The following CYP2C8 variants were observed in gnomAD, a reference collection of about 807,000 sequenced individuals.
The protein encoded by CYP2C8 is cytochrome P450 2C8.
In CYP2C8, 51 loss-of-function variants were observed where a neutral mutation model predicts 41.3. That is an observed-to-expected ratio of 1.24 (90% CI 0.99 to 1.56). The LOEUF (loss-of-function observed/expected upper bound fraction) is 1.56, where lower values mean the gene tolerates loss of function less well. CYP2C8 is among the 40% of genes most tolerant of loss of function. The pLI, the probability that CYP2C8 is intolerant of heterozygous loss-of-function variation, is 0.00. For synonymous variants in CYP2C8, 218 were observed against 205.8 expected, an observed-to-expected ratio of 1.06 and a Z score of -0.51; for missense variants, 651 against 579.9, an observed-to-expected ratio of 1.12 and a Z score of -1.26.
In CYP2C8 at chr10:95,050,591, T is replaced by C. The variant is rs117636260; in HGVS notation, c.820-4640A>G. ...AACAGAGAGAGAGACTTTGTTTATTTGGGAGAAATTAAGGGAAGGGAACAA... is the reference window on the plus strand; with the variant it reads ...AACAGAGAGAGAGACTTTGTTTATTCGGGAGAAATTAAGGGAAGGGAACAA... On this transcript the variant is annotated intron_variant, in intron 5 of 8. Coordinates refer to ENST00000371270, the MANE Select transcript of CYP2C8 (RefSeq NM_000770.3). 6.0e-4 allele frequency among the ~76,000 whole-genome samples: 92 copies of C among 152,242 alleles called. No individual in the cohort carries two copies. In the East Asian group the frequency reaches 0.017, roughly 28 times the overall value.
intron 8 of CYP2C8, among the ~76,000 whole-genome samples, chr10:95,038,524 T>G (rs1158375454): frequency 6.6e-6 from 1 of 152,148 alleles, no homozygotes; most frequent in East Asian, 1.9e-4. Flanking sequence ...ACAGACACCA[T>G]GTAGAAGACA....
Position 95,067,522 on chromosome 10 carries a change from C to T in CYP2C8, c.331+7G>A, listed in dbSNP as rs1362315712. On this transcript the variant is annotated splice_region_variant and intron_variant, in intron 2 of 8. Coordinates refer to ENST00000371270, the MANE Select transcript of CYP2C8 (RefSeq NM_000770.3). ...ACCAAAGCTGACACAGAAATATGTG[C>T]ACCTACCAAGTCCTTTAGTAATTCT... The T allele has an allele frequency of 1.2e-6, 2 of 1,614,118 alleles. No individual in the cohort carries two copies. Among genetic ancestry groups the T allele is most frequent in the African/African-American group, 1.3e-5 (1 of 75,040 alleles).
chr10:95,043,035 C>T lies in CYP2C8; in HGVS notation c.1004G>A (p.Arg335Lys). 1 of 1,614,176 alleles carries T rather than the reference C, an allele frequency of 6.2e-7. No homozygotes were observed. Among genetic ancestry groups the T allele is most frequent in the Non-Finnish European group, 8.5e-7 (1 of 1,180,020 alleles). ...EEIDHVIGRH[R>K]SPCMQDRSHM... ...GCTCCTATCCTGCATGCAGGGGCTC[C>T]TGTGTCTGCCAATTACATGATCAAT... The change falls in exon 7 of 9, where the codon AGG becomes AAG. Residue 335 changes from arginine to lysine, a missense_variant. By Grantham distance (26) the Arg-to-Lys change is conservative. Transcript: ENST00000371270.
At chr10:95,049,991 C>G (rs899448497) in intron 5 of CYP2C8, among the ~76,000 whole-genome samples, 1 of 152,006 alleles carries the variant, frequency 6.6e-6, no homozygotes, top group Admixed American at 6.6e-5. Flanking sequence ...TCAGGAAAGA[C>G]TCCTTCTACT....
At chr10:95,037,661 AT>A (rs1419132597) in intron 8 of CYP2C8, among the ~76,000 whole-genome samples, 1 of 152,158 alleles carries the variant, frequency 6.6e-6, no homozygotes, top group African/African-American at 2.4e-5. Flanking sequence ...ATCTGTCATT[AT>A]GGAAATACAT....
Position 95,036,788 on chromosome 10 carries a change from A to G in CYP2C8, c.*340T>C. ...TCTGAGAACTGAACCAGCAATTAATAACACTTTTTATTTAGCACATTCACA... is the reference window on the plus strand; with the variant it reads ...TCTGAGAACTGAACCAGCAATTAATGACACTTTTTATTTAGCACATTCACA... On this transcript the variant is annotated 3_prime_UTR_variant, in exon 9 of 9. Transcript: ENST00000371270. The G allele has an allele frequency of 6.1e-6, 2 of 328,700 alleles. No homozygotes were observed. Among genetic ancestry groups the G allele is most frequent in the South Asian group, 5.7e-5 (2 of 35,382 alleles). 20.4% of individuals were successfully genotyped at this position (328,700 alleles called of 1,614,324 possible). A position where few individuals can be genotyped will look rare whatever the true frequency, so the allele number is the denominator to read the frequency against.
chr10:95,044,726 G>A (rs143258604), intron 6 of CYP2C8, among the ~76,000 whole-genome samples: 21 of 152,132 alleles, frequency 1.4e-4, no homozygotes, highest in African/African-American at 4.6e-4. Context: ...TTTCCCAGTG[G>A]GAAAAAATCA....
At chr10:95,045,701 C>G in intron 6 of CYP2C8, 109 bp downstream of exon 6, 1 of 1,365,414 alleles carries the variant, frequency 7.3e-7, no homozygotes, top group Non-Finnish European at 1.0e-6. Flanking sequence ...GCTGATGACA[C>G]AGAAATTTAA....
intron 7 of CYP2C8, among the ~76,000 whole-genome samples, chr10:95,042,079 G>A (rs2033013697): frequency 6.6e-6 from 1 of 152,104 alleles, no homozygotes; most frequent in Non-Finnish European, 1.5e-5. Context: ...ATTCTCAGTA[G>A]TGAAATATTA....
At chr10:95,058,840 G>A (rs1297197752) in intron 4 of CYP2C8, among the ~76,000 whole-genome samples, 7 of 151,016 alleles carry the variant, frequency 4.6e-5, no homozygotes, top group Admixed American at 1.3e-4. Context: ...TCCCCTTCCT[G>A]TGTTCAAGTG....
intron 4 of CYP2C8, among the ~76,000 whole-genome samples, chr10:95,059,593 T>C (rs904216339): frequency 2.0e-5 from 3 of 152,240 alleles, no homozygotes; most frequent in Non-Finnish European, 4.4e-5. Flanking sequence ...TTCTGTAGGA[T>C]GCCTATTCAC....
At chr10:95,043,244 A>G (rs538561494) in intron 6 of CYP2C8, among the ~76,000 whole-genome samples, 167 bp from the exon 7 acceptor site, 2 of 152,326 alleles carry the variant, frequency 1.3e-5, no homozygotes, top group East Asian at 3.9e-4. Context: ...CATAATATAG[A>G]TACATACCAC....
chr10:95,062,780 T>C (rs1022610651), intron 4 of CYP2C8, among the ~76,000 whole-genome samples: 2 of 152,210 alleles, frequency 1.3e-5, no homozygotes, highest in Non-Finnish European at 2.9e-5. Flanking sequence ...CTGGTACCGG[T>C]TGTTCCTTTC....
chr10:95,069,044 TAGAGCGAGACTCCG>T (rs1564743735), intron 1 of CYP2C8, among the ~76,000 whole-genome samples, 177 bp downstream of exon 1: 103 of 141,080 alleles, frequency 7.3e-4, no homozygotes, highest in African/African-American at 2.4e-3. Flanking sequence ...GCCTGGGCAA[TAGAGCGAGACTCCG>T]TCTCAAAAAA....
At chr10:95,047,221 T>C (rs2033127282) in intron 5 of CYP2C8, among the ~76,000 whole-genome samples, 2 of 152,238 alleles carry the variant, frequency 1.3e-5, no homozygotes, top group Non-Finnish European at 2.9e-5. Context: ...TTGGGCCTCA[T>C]GTTCTTATAA....
In CYP2C8 at chr10:95,037,039, G is replaced by A. The variant is rs28399518; in HGVS notation, c.*89C>T. On this transcript the variant is annotated 3_prime_UTR_variant, in exon 9 of 9. Transcript: ENST00000371270. ...GAGTGAATGGGAAGATTTGATGAGAGGTCAGAGAAGACATAATAGTGGGAA... is the reference window on the plus strand; with the variant it reads ...GAGTGAATGGGAAGATTTGATGAGAAGTCAGAGAAGACATAATAGTGGGAA... 1,297 of 1,217,854 alleles carry A rather than the reference G, an allele frequency of 1.1e-3. 10 individuals carry two copies. The African/African-American group carries it at 0.018, about 16-fold the overall frequency. 75.4% of individuals were successfully genotyped at this position (1,217,854 alleles called of 1,614,324 possible). A position where few individuals can be genotyped will look rare whatever the true frequency, so the allele number is the denominator to read the frequency against.
intron 6 of CYP2C8, among the ~76,000 whole-genome samples, chr10:95,043,978 C>T (rs2033061246): frequency 6.6e-6 from 1 of 152,086 alleles, no homozygotes; most frequent in African/African-American, 2.4e-5. Context: ...GTTTGAAACT[C>T]CTAGTAATAA....
rs565623681 is a variant in CYP2C8 at position 95,068,877 on chromosome 10, G to A, written c.168+358C>T. ...AGACTGAGACCATTCTGGCTAACAC[G>A]GTGAAACCCTGTCTCTACTAAAACA... On this transcript the variant is annotated intron_variant, in intron 1 of 8. Transcript: ENST00000371270. Among the ~76,000 whole-genome samples, 23 of 152,156 alleles carry A rather than the reference G, an allele frequency of 1.5e-4. 1 individual carries two copies. The highest frequency in any genetic ancestry group is 2.6e-4 in the Admixed American group (4 of 15,280).
chr10:95,043,881 C>T (rs74150757), intron 6 of CYP2C8, among the ~76,000 whole-genome samples: 4 of 138,840 alleles, frequency 2.9e-5, no homozygotes, highest in African/African-American at 1.1e-4. Context: ...CACACACACA[C>T]ACACACATAT....
Sources: gnomAD v4.1 joint callset for allele counts (sites outside exome capture counted in the v4.1 genomes callset) on GRCh38, gnomAD v4.1.1 for gene constraint, MANE v1.5 for transcripts, NCBI Gene and HGNC (gene_info 2026-07-23, HGNC 2026-07-21) for gene names.